The following ATP8B4 variants were observed in gnomAD, a reference collection of about 807,000 sequenced individuals.
The protein encoded by ATP8B4 is probable phospholipid-transporting ATPase IM.
ATP8B4 carries 133 observed loss-of-function variants against 145.6 expected under a neutral mutation model. The observed-to-expected ratio is 0.91, with a 90% CI of 0.79 to 1.05. ATP8B4 has a LOEUF of 1.05. Among genes scored for constraint, ATP8B4 ranks in the 50% least tolerant of loss-of-function variants. The pLI is 0.00. For missense variants in ATP8B4, 1,458 were observed against 1,425.2 expected, an observed-to-expected ratio of 1.02 and a Z score of -0.37; for synonymous variants, 507 against 492.9, an observed-to-expected ratio of 1.03 and a Z score of -0.38.
At chr15:50,022,402 G>A (rs995645525) in intron 6 of ATP8B4, among the ~76,000 whole-genome samples, 1 of 152,118 alleles carries the variant, frequency 6.6e-6, no homozygotes, top group African/African-American at 2.4e-5. Flanking sequence ...CCTACAAACT[G>A]TGAGTTATGA....
At chr15:49,960,854 C>T (rs1048725276) in intron 14 of ATP8B4, among the ~76,000 whole-genome samples, 6 of 152,054 alleles carry the variant, frequency 3.9e-5, no homozygotes, top group African/African-American at 1.2e-4. Flanking sequence ...AACCAGAGGC[C>T]GGGCGCAGTG....
intron 27 of ATP8B4, 118 bp from the exon 28 acceptor site, chr15:49,860,593 G>A: frequency 8.0e-7 from 1 of 1,251,016 alleles, no homozygotes. Flanking sequence ...ATTGCAAAAG[G>A]AAGTTTTAAA....
intron 20 of ATP8B4, among the ~76,000 whole-genome samples, chr15:49,907,596 C>T (rs1049291274): frequency 1.3e-5 from 2 of 152,282 alleles, no homozygotes; most frequent in Non-Finnish European, 2.9e-5. Context: ...GAAAGATGCG[C>T]ATGGAACAGT....
chr15:50,003,529 T>C (rs4430689), intron 7 of ATP8B4, among the ~76,000 whole-genome samples: 60,243 of 151,666 alleles, frequency 0.4, 12,838 homozygotes, highest in East Asian at 0.65. Context: ...AAACTACCCA[T>C]CCTGATTTTA....
intron 6 of ATP8B4, among the ~76,000 whole-genome samples, chr15:50,023,594 A>T (rs1397150301): frequency 6.6e-6 from 1 of 151,946 alleles, no homozygotes; most frequent in Admixed American, 6.6e-5. Context: ...TTTCTTCTTC[A>T]TCCTTAGAAA....
intron 6 of ATP8B4, among the ~76,000 whole-genome samples, chr15:50,014,975 T>C (rs1016850407): frequency 1.3e-5 from 2 of 152,318 alleles, no homozygotes; most frequent in Non-Finnish European, 2.9e-5. Context: ...AGAAATTGAT[T>C]AGAAGCCACG....
chr15:49,878,801 G>T (rs2034916422), intron 24 of ATP8B4, among the ~76,000 whole-genome samples: 1 of 152,198 alleles, frequency 6.6e-6, no homozygotes, highest in South Asian at 2.1e-4. Context: ...CTGGCAGACT[G>T]CTCTACTGGT....
intron 2 of ATP8B4, among the ~76,000 whole-genome samples, chr15:50,079,394 G>A (rs1188645239): frequency 1.3e-5 from 2 of 152,152 alleles, no homozygotes; most frequent in African/African-American, 2.4e-5. Context: ...CCTGATCCAG[G>A]TGTGCCACAA....
Position 49,981,202 on chromosome 15 carries a change from T to A in ATP8B4, c.837+4A>T. On this transcript the variant is annotated splice_donor_region_variant and intron_variant, in intron 11 of 27. Coordinates refer to ENST00000284509, the MANE Select transcript of ATP8B4 (RefSeq NM_024837.4). ...TAGTGATATTGCCTAGTTTTGTAACTTACCCATAGTACTAGAGTATTCATC... is the reference window on the plus strand; with the variant it reads ...TAGTGATATTGCCTAGTTTTGTAACATACCCATAGTACTAGAGTATTCATC... 6.3e-7 allele frequency: 1 copy of A among 1,576,292 alleles called. No individual in the cohort carries two copies. Among genetic ancestry groups the A allele is most frequent in the Non-Finnish European group, 8.7e-7 (1 of 1,150,482 alleles).
At chr15:49,967,558 A>C (rs1193222871) in intron 13 of ATP8B4, among the ~76,000 whole-genome samples, 1 of 152,178 alleles carries the variant, frequency 6.6e-6, no homozygotes, top group African/African-American at 2.4e-5. Flanking sequence ...ATAAAGCATG[A>C]AGAAAAGATT....
At chr15:50,097,353 T>C (rs1336790531) in intron 2 of ATP8B4, among the ~76,000 whole-genome samples, 1 of 129,782 alleles carries the variant, frequency 7.7e-6, no homozygotes, top group Non-Finnish European at 1.8e-5. Context: ...AATCTAATTA[T>C]ACAAAAAAAA....
chr15:49,898,031 G>A, intron 22 of ATP8B4, 37 bp downstream of exon 22: 3 of 1,605,982 alleles, frequency 1.9e-6, no homozygotes, highest in Non-Finnish European at 2.6e-6. Flanking sequence ...AGGACCCCAT[G>A]TATGCAGCAT....
intron 18 of ATP8B4, 138 bp from the exon 19 acceptor site, chr15:49,919,088 C>A: frequency 1.5e-6 from 1 of 655,504 alleles, no homozygotes. Context: ...ATATAGCAGG[C>A]ATCCTATTTT....
chr15:50,123,779 C>A (rs1344186761), upstream of ATP8B4, among the ~76,000 whole-genome samples: 1 of 152,110 alleles, frequency 6.6e-6, no homozygotes, highest in Non-Finnish European at 1.5e-5. Flanking sequence ...AGTTATGAGA[C>A]CTTTGAATTC....
intron 10 of ATP8B4, among the ~76,000 whole-genome samples, chr15:49,985,824 C>T (rs1251681421): frequency 6.6e-6 from 1 of 152,132 alleles, no homozygotes; most frequent in African/African-American, 2.4e-5. Context: ...TTTCCGTATG[C>T]ATTATCTCAC....
chr15:50,063,585 A>G (rs2053178414), intron 3 of ATP8B4, among the ~76,000 whole-genome samples: 1 of 152,182 alleles, frequency 6.6e-6, no homozygotes, highest in Non-Finnish European at 1.5e-5. Context: ...AACAATAAAA[A>G]TAAAATTAAT....
Position 50,172,206 on chromosome 15 carries a change from T to G in ATP8B4, c.-43+10055A>C, listed in dbSNP as rs1425447778. On this transcript the variant is annotated intron_variant, in intron 1 of 3. Transcript: ENST00000558829. ...CTCTGATGCCGAGCGGAGGCTGGACTGTACTGCCGCCATCTCCGCTCACTG... is the reference window on the plus strand; with the variant it reads ...CTCTGATGCCGAGCGGAGGCTGGACGGTACTGCCGCCATCTCCGCTCACTG... Among the ~76,000 whole-genome samples the G allele has an allele frequency of 3.9e-5, 6 of 152,250 alleles. No homozygotes were observed. The East Asian group carries it at 1.2e-3, about 29-fold the overall frequency.
chr15:49,987,465 T>C lies in ATP8B4; in HGVS notation c.674A>G (p.Asn225Ser), dbSNP rs16963151. The C allele has an allele frequency of 0.24, 379,622 of 1,613,206 alleles. 47,009 individuals are homozygous for C. Among genetic ancestry groups the C allele is most frequent in the African/African-American group, 0.38 (28,500 of 74,904 alleles). The change falls in exon 10 of 28, where the codon AAC (asparagine) becomes AGC (serine). Residue 225 changes from asparagine (N) to serine (S), a missense_variant. By Grantham distance (46) the Asn-to-Ser change is conservative. Coordinates refer to ENST00000284509, the MANE Select transcript of ATP8B4 (RefSeq NM_024837.4). Reference sequence around the variant, plus strand: ...GCCTCTCAGGATTATCTTCTCATTGTTGAGGGAATGCTTGCTGTCTTTCCA... The same window carrying C: ...GCCTCTCAGGATTATCTTCTCATTGCTGAGGGAATGCTTGCTGTCTTTCCA... ...LSWKDSKHSL[N>S]NEKIILRGCI...
chr15:50,128,952 C>T (rs917063599), intron 1 of ATP8B4, among the ~76,000 whole-genome samples: 4 of 152,180 alleles, frequency 2.6e-5, no homozygotes, highest in African/African-American at 9.7e-5. Context: ...CCTGTAATCT[C>T]AGCTACTCAG....
Sources: gnomAD v4.1 joint callset for allele counts (sites outside exome capture counted in the v4.1 genomes callset) on GRCh38, gnomAD v4.1.1 for gene constraint, MANE v1.5 for transcripts, NCBI Gene and HGNC (gene_info 2026-07-23, HGNC 2026-07-21) for gene names.